NEGR1: variants seen among roughly 807,000 people sequenced by gnomAD.
NEGR1 encodes IgLON family member 4.
A neutral mutation model predicts 40.9 loss-of-function variants in NEGR1; 10 were observed. The ratio of observed to expected loss-of-function variants is 0.24; its 90% confidence interval spans 0.15 to 0.42. The LOEUF (loss-of-function observed/expected upper bound fraction) is 0.42. Among genes scored for constraint, NEGR1 ranks in the 10% least tolerant of loss-of-function variants. NEGR1 has a pLI of 1.00. For missense variants in NEGR1, 352 were observed against 438.9 expected, an observed-to-expected ratio of 0.80 and a Z score of 1.77; for synonymous variants, 185 against 166.8, an observed-to-expected ratio of 1.11 and a Z score of -0.84.
At chr1:71,637,032 C>A (rs1473653913) in intron 4 of NEGR1, among the ~76,000 whole-genome samples, 1 of 151,912 alleles carries the variant, frequency 6.6e-6, no homozygotes, top group Non-Finnish European at 1.5e-5. Context: ...TGAAGAGGAC[C>A]AACAGATGTT....
At chr1:72,133,711 T>G (rs1329380127) in intron 1 of NEGR1, among the ~76,000 whole-genome samples, 4 of 151,714 alleles carry the variant, frequency 2.6e-5, no homozygotes, top group African/African-American at 9.7e-5. Flanking sequence ...AGAGATTCAT[T>G]AGCACATAAG....
chr1:71,848,953 G>T (rs565071027), intron 2 of NEGR1, among the ~76,000 whole-genome samples: 14 of 152,206 alleles, frequency 9.2e-5, no homozygotes, highest in African/African-American at 3.1e-4. Context: ...AGCCGGGTGT[G>T]GGGGCGCACG....
chr1:71,585,001 G>A (rs1342715268), intron 6 of NEGR1, among the ~76,000 whole-genome samples: 1 of 152,098 alleles, frequency 6.6e-6, no homozygotes, highest in Non-Finnish European at 1.5e-5. Flanking sequence ...GAACATAAAG[G>A]AAATTTCTCT....
rs535082695 is a variant in NEGR1 at position 71,722,213 on chromosome 1, T to C, written c.536-24074A>G. On this transcript the variant is annotated intron_variant, in intron 3 of 6. Transcript: ENST00000357731. ...GGTAACAACTCACGAACTGAGATGA[T>C]GATTGTCTCAATTATTTGCAAATAG... Among the ~76,000 whole-genome samples the C allele has an allele frequency of 2.6e-5, 4 of 152,250 alleles. No individual in the cohort carries two copies. The East Asian group carries it at 7.7e-4, about 29-fold the overall frequency.
chr1:71,867,468 G>T (rs1287616507), intron 2 of NEGR1, among the ~76,000 whole-genome samples: 2 of 152,146 alleles, frequency 1.3e-5, no homozygotes, highest in East Asian at 3.9e-4. Flanking sequence ...TGGAGGAATT[G>T]GGGTTGTTTA....
At chr1:72,160,407 C>A (rs931510713) in intron 1 of NEGR1, among the ~76,000 whole-genome samples, 8 of 152,054 alleles carry the variant, frequency 5.3e-5, no homozygotes, top group African/African-American at 1.9e-4. Flanking sequence ...CTTACAAATA[C>A]AATATGCAAC....
chr1:71,971,129 G>A (rs1402064262), intron 1 of NEGR1, among the ~76,000 whole-genome samples: 1 of 152,162 alleles, frequency 6.6e-6, no homozygotes, highest in Non-Finnish European at 1.5e-5. Context: ...GCAGAGATTC[G>A]ATGCTACAAA....
intron 1 of NEGR1, among the ~76,000 whole-genome samples, chr1:72,222,458 A>G (rs567889672): frequency 6.6e-5 from 10 of 152,318 alleles, no homozygotes; most frequent in African/African-American, 2.4e-4. Context: ...CAAAGATTAA[A>G]AACAATCAGA....
intron 6 of NEGR1, among the ~76,000 whole-genome samples, chr1:71,484,520 A>C (rs1646874933): frequency 6.6e-6 from 1 of 151,834 alleles, no homozygotes; most frequent in African/African-American, 2.4e-5. Flanking sequence ...TTATCCCCTT[A>C]GAAAACAATC....
At chr1:71,711,312 C>T (rs958385548) in intron 3 of NEGR1, among the ~76,000 whole-genome samples, 1 of 131,752 alleles carries the variant, frequency 7.6e-6, no homozygotes, top group East Asian at 2.2e-4. Flanking sequence ...CCACTGCACT[C>T]CAGCCTGTGC....
chr1:71,831,117 G>T (rs1339790155), intron 2 of NEGR1, among the ~76,000 whole-genome samples: 3 of 151,908 alleles, frequency 2.0e-5, no homozygotes, highest in African/African-American at 7.2e-5. Context: ...GACTGGATGG[G>T]TCTATGAATA....
chr1:71,845,708 T>C (rs1002764975), intron 2 of NEGR1, among the ~76,000 whole-genome samples: 1 of 148,798 alleles, frequency 6.7e-6, no homozygotes, highest in Non-Finnish European at 1.5e-5. Context: ...AAAAGGACAA[T>C]AGAGCCAGAT....
chr1:71,520,183 A>G (rs1647146054), intron 6 of NEGR1, among the ~76,000 whole-genome samples: 1 of 152,038 alleles, frequency 6.6e-6, no homozygotes, highest in African/African-American at 2.4e-5. Context: ...ATTGGGATGA[A>G]AATGACCAGT....
intron 1 of NEGR1, among the ~76,000 whole-genome samples, chr1:72,142,340 CT>C (rs1650713131): frequency 6.6e-6 from 1 of 151,822 alleles, no homozygotes; most frequent in African/African-American, 2.4e-5. Flanking sequence ...TGAGATTGAT[CT>C]TTCACATAAG....
chr1:72,066,713 G>A (rs934651810), intron 1 of NEGR1, among the ~76,000 whole-genome samples: 2 of 152,022 alleles, frequency 1.3e-5, no homozygotes, highest in Non-Finnish European at 2.9e-5. Context: ...AGAGGCCTCC[G>A]GAGAAACCAC....
intron 1 of NEGR1, among the ~76,000 whole-genome samples, chr1:72,132,069 A>G (rs1291372144): frequency 6.6e-6 from 1 of 152,184 alleles, no homozygotes; most frequent in East Asian, 1.9e-4. Context: ...ACTGTACTCC[A>G]GCCTCGGTGA....
At chr1:72,229,470 T>G (rs1330506561) in intron 1 of NEGR1, among the ~76,000 whole-genome samples, 2 of 149,282 alleles carry the variant, frequency 1.3e-5, no homozygotes, top group Non-Finnish European at 3.0e-5. Flanking sequence ...CAAAATTTTC[T>G]AAAGTTAATC....
intron 6 of NEGR1, chr1:71,463,518 G>A (rs1178040545): frequency 6.6e-6 from 1 of 152,128 alleles, no homozygotes; most frequent in Non-Finnish European, 1.5e-5. Context: ...AGGTTCCTGA[G>A]TCTAGGGGTA....
intron 6 of NEGR1, among the ~76,000 whole-genome samples, chr1:71,506,836 T>C (rs1436991806): frequency 6.6e-6 from 1 of 152,076 alleles, no homozygotes; most frequent in Admixed American, 6.5e-5. Context: ...ACCATAATGG[T>C]TATGCTGTCA....
Sources: allele counts gnomAD v4.1 joint callset (sites outside exome capture counted in the v4.1 genomes callset), GRCh38; gene constraint gnomAD v4.1.1; transcripts MANE v1.5; gene names NCBI Gene and HGNC (gene_info 2026-07-23, HGNC 2026-07-21).